PDE3A: variants seen among roughly 807,000 people sequenced by gnomAD.
The protein encoded by PDE3A is phosphodiesterase 3A, also known as cGMP-inhibited 3',5'-cyclic phosphodiesterase 3A.
In PDE3A, 43 loss-of-function variants were observed where a neutral mutation model predicts 98.3. The ratio of observed to expected loss-of-function variants is 0.44; its 90% CI spans 0.34 to 0.56. The LOEUF is 0.56. Ranked by LOEUF, PDE3A falls within the 20% of genes least tolerant of loss-of-function variation. PDE3A has a pLI of 0.01. For missense variants in PDE3A, 1,427 were observed against 1,440.7 expected, an observed-to-expected ratio of 0.99 and a Z score of 0.15; for synonymous variants, 663 against 567.9, an observed-to-expected ratio of 1.17 and a Z score of -2.38.
intron 1 of PDE3A, among the ~76,000 whole-genome samples, chr12:20,486,464 TTTGAGTG>T (rs1945729952): frequency 6.6e-6 from 1 of 152,172 alleles, no homozygotes; most frequent in South Asian, 2.1e-4. Flanking sequence ...AAGATGAGAT[TTTGAGTG>T]GGGACACAGC....
chr12:20,500,912 T>A (rs997763594), intron 1 of PDE3A, among the ~76,000 whole-genome samples: 7 of 151,772 alleles, frequency 4.6e-5, no homozygotes, highest in Admixed American at 4.6e-4. Context: ...GAACTACAAG[T>A]GTGCGCTACT....
At chr12:20,610,359 C>T (rs949204917) in intron 2 of PDE3A, among the ~76,000 whole-genome samples, 71 of 152,020 alleles carry the variant, frequency 4.7e-4, no homozygotes, top group Non-Finnish European at 8.4e-4. Flanking sequence ...TCACTTCACT[C>T]CTGTTAGGAT....
intron 1 of PDE3A, among the ~76,000 whole-genome samples, chr12:20,553,864 A>G (rs1203901869): frequency 1.3e-5 from 2 of 151,936 alleles, no homozygotes; most frequent in Admixed American, 1.3e-4. Context: ...ACCAGATTCT[A>G]GAAACTGCGG....
chr12:20,647,059 T>C (rs897063625), intron 12 of PDE3A, 109 bp downstream of exon 12: 1 of 686,392 alleles, frequency 1.5e-6, no homozygotes, highest in African/African-American at 1.8e-5. Context: ...AAACTATACA[T>C]AGTCTTACGT....
rs767774039 is a variant in PDE3A, at chr12:20,629,930, T to G, written c.1563T>G (p.Pro521=). 1 of 1,613,962 alleles carries G rather than the reference T, an allele frequency of 6.2e-7. No homozygotes were observed. The highest frequency in any genetic ancestry group is 2.2e-5 in the East Asian group (1 of 44,868). The part of the protein sequence containing the change: ...SRPGALAKIS[P]LSSPCSSPLQ... Reference sequence around the variant, plus strand: ...CAGGTGCCCTCGCTAAAATTTCACCTCTTTCATCGCCCTGCTCCTCACCTC... The same window carrying G: ...CAGGTGCCCTCGCTAAAATTTCACCGCTTTCATCGCCCTGCTCCTCACCTC... The change falls in exon 6 of 16, where the codon CCT becomes CCG. Residue 521 remains proline, a synonymous_variant. Transcript: ENST00000359062.
intron 1 of PDE3A, among the ~76,000 whole-genome samples, chr12:20,452,588 A>G (rs1945085312): frequency 6.6e-6 from 1 of 152,208 alleles, no homozygotes; most frequent in African/African-American, 2.4e-5. Flanking sequence ...GGACTTGACA[A>G]AACCTCTAAT....
chr12:20,632,949 C>CTTTTTTTTTTTTTTT, intron 6 of PDE3A, among the ~76,000 whole-genome samples: 1 of 102,122 alleles, frequency 9.8e-6, no homozygotes, highest in Non-Finnish European at 1.9e-5. Context: ...AATAATGAGG[C>CTTTTTTTTTTTTTTT]TTTTTTTTTT....
rs1944393295 is a variant in PDE3A at position 20,632,075 on chromosome 12, A to G, written c.1761-1618A>G. Among the ~76,000 whole-genome samples the G allele has an allele frequency of 2.0e-5, 3 of 152,148 alleles. No individual in the cohort carries two copies. In the South Asian group the frequency reaches 6.2e-4, roughly 32 times the overall value. ...AAGTACTAATTTAAATGGTCCTTTT[A>G]GGTATTATTTTGCAATGAAAAAGTT... On this transcript the variant is annotated intron_variant, in intron 6 of 15. Transcript: ENST00000359062.
intron 1 of PDE3A, among the ~76,000 whole-genome samples, chr12:20,532,833 C>A (rs999188563): frequency 1.3e-5 from 2 of 151,400 alleles, no homozygotes; most frequent in African/African-American, 4.8e-5. Flanking sequence ...GGACTACAGG[C>A]GCCCGCCACT....
rs1592049497 is a variant in PDE3A at position 20,552,271 on chromosome 12, G to A, written c.961-4389G>A. On this transcript the variant is annotated intron_variant, in intron 1 of 15. Coordinates refer to ENST00000359062, the MANE Select transcript of PDE3A (RefSeq NM_000921.5). This position sits in a 1 kb window ranked among gnomAD's most constrained non-coding sequence, Gnocchi z 5.1. Reference sequence around the variant, plus strand: ...CAAGGGTGGCAAGAATAGCAAGTACGCCCCCGCTGAGGGCAACCGCTACGA... The same window carrying A: ...CAAGGGTGGCAAGAATAGCAAGTACACCCCCGCTGAGGGCAACCGCTACGA... 1.2e-6 allele frequency: 2 copies of A among 1,613,926 alleles called. No individual in the cohort carries two copies.
chr12:20,627,162 A>AAC (rs1555102796), intron 5 of PDE3A, among the ~76,000 whole-genome samples: 2 of 151,638 alleles, frequency 1.3e-5, no homozygotes, highest in Non-Finnish European at 2.9e-5. Context: ...AAAAAAAAAA[A>AAC]AACTGTGTAG....
In PDE3A at chr12:20,638,688, G is replaced by C. The variant is rs988365586; in HGVS notation, c.2140-1158G>C. 5.9e-5 allele frequency among the ~76,000 whole-genome samples: 9 copies of C among 152,092 alleles called. No homozygotes were observed. In the South Asian group the frequency reaches 1.9e-3, roughly 32 times the overall value. ...TCTTTCCTGCAAATAAGCCTGTAAC[G>C]GTGCCACAGGATGTGGCAATGAGTC... On this transcript the variant is annotated intron_variant, in intron 9 of 15. Transcript: ENST00000359062.
chr12:20,635,786 A>G (rs2121513080), intron 8 of PDE3A, among the ~76,000 whole-genome samples: 1 of 151,442 alleles, frequency 6.6e-6, no homozygotes, highest in African/African-American at 2.4e-5. Flanking sequence ...TTAATCTCTG[A>G]AACATGAGAT....
At position 20,369,880 on chromosome 12, in the gene PDE3A, C is replaced by T. The variant is rs752711762; in HGVS notation, c.596C>T (p.Ala199Val). ...PAAGVVLSCL[A>V]AATWLVLRLR... ...GCGGGGGTGGTGCTCAGCTGCTTGG[C>T]CGCCGCGACATGGCTGGTGCTGAGG... Residue 199 changes from alanine (A) to valine (V), a missense_variant, in exon 1 of 16, where the codon GCC becomes GTC. By Grantham distance (64) the Ala-to-Val change is moderately conservative. Transcript: ENST00000359062. 1.2e-6 allele frequency: 2 copies of T among 1,613,038 alleles called. No homozygotes were observed. Among genetic ancestry groups the T allele is most frequent in the Non-Finnish European group, 8.5e-7 (1 of 1,179,714 alleles).
chr12:20,422,081 T>A (rs1199218777), intron 1 of PDE3A, among the ~76,000 whole-genome samples: 2 of 152,226 alleles, frequency 1.3e-5, no homozygotes, highest in Non-Finnish European at 2.9e-5. Context: ...GCGCAATGGC[T>A]CACGCCTGTA....
In PDE3A at chr12:20,680,126, A is replaced by G; in HGVS notation, c.3281A>G (p.Gln1094Arg). The G allele has an allele frequency of 1.2e-6, 2 of 1,613,826 alleles. No homozygotes were observed. Among genetic ancestry groups the G allele is most frequent in the Non-Finnish European group, 1.7e-6 (2 of 1,179,782 alleles). The change falls in exon 16 of 16, where the codon CAA becomes CGA. Residue 1094 changes from glutamine to arginine, a missense_variant. By Grantham distance (43) the Gln-to-Arg change is conservative. This residue lies in a region of PDE3A where 142 missense variants were observed against 133.9 expected (regional missense o/e 1.06). Transcript: ENST00000359062. Reference sequence around the variant, plus strand: ...TGGAAGAAAGTCATTGAAGAGGAGCAACGGTTGGCAGGCATAGAAAATCAA... The same window carrying G: ...TGGAAGAAAGTCATTGAAGAGGAGCGACGGTTGGCAGGCATAGAAAATCAA... The part of the protein sequence containing the change: ...KMWKKVIEEE[Q>R]RLAGIENQSL...
chr12:20,636,579 G>A (rs1477336422), intron 8 of PDE3A, among the ~76,000 whole-genome samples: 1 of 152,034 alleles, frequency 6.6e-6, no homozygotes, highest in African/African-American at 2.4e-5. Context: ...TATTCTATAG[G>A]ATTAATGTCC....
At chr12:20,579,095 G>A (rs1259473429) in intron 2 of PDE3A, among the ~76,000 whole-genome samples, 1 of 152,098 alleles carries the variant, frequency 6.6e-6, no homozygotes, top group Non-Finnish European at 1.5e-5. Context: ...ATTTCAGACT[G>A]TCAGGCTTTG....
chr12:20,625,997 A>C (rs555326595), intron 5 of PDE3A, among the ~76,000 whole-genome samples: 2 of 152,242 alleles, frequency 1.3e-5, no homozygotes, highest in East Asian at 1.9e-4. Flanking sequence ...GAGAGAATGC[A>C]TGTTTATCGG....
Sources: allele counts gnomAD v4.1 joint callset (sites outside exome capture counted in the v4.1 genomes callset), GRCh38; gene constraint gnomAD v4.1.1; regional missense constraint gnomAD v4.1.1; non-coding constraint Gnocchi (gnomAD v3.1); transcripts MANE v1.5; gene names NCBI Gene and HGNC (gene_info 2026-07-23, HGNC 2026-07-21).